Variants in ANKRD40 observed in about 807,000 individuals in gnomAD.
The protein encoded by ANKRD40 is ankyrin repeat domain 40.
A neutral mutation model predicts 35.5 loss-of-function variants in ANKRD40; 24 were observed. The ratio of observed to expected loss-of-function variants is 0.68; its 90% CI spans 0.49 to 0.95. ANKRD40 has a LOEUF of 0.95. ANKRD40 is among the 40% of genes least tolerant of loss of function. The pLI is 0.00. For synonymous variants in ANKRD40, 147 were observed against 173.5 expected, an observed-to-expected ratio of 0.85 and a Z score of 1.20; for missense variants, 361 against 436.0, an observed-to-expected ratio of 0.83 and a Z score of 1.53.
chr17:50,703,116 A>G (rs1018555410), intron 1 of ANKRD40, among the ~76,000 whole-genome samples: 1 of 150,988 alleles, frequency 6.6e-6, no homozygotes, highest in Non-Finnish European at 1.5e-5. Context: ...AGCAACTAAG[A>G]CTTGAAAGCA....
intron 2 of ANKRD40, 59 bp downstream of exon 2, chr17:50,700,509 A>G (rs1241782720): frequency 6.4e-7 from 1 of 1,559,748 alleles, no homozygotes; most frequent in Non-Finnish European, 8.7e-7. Context: ...GTAGCCAATA[A>G]TACCACAAGT....
At chr17:50,706,428 C>G (rs1268650779) in intron 1 of ANKRD40, among the ~76,000 whole-genome samples, 4 of 152,078 alleles carry the variant, frequency 2.6e-5, no homozygotes, top group African/African-American at 9.7e-5. Context: ...TCTGGCTAAG[C>G]ATTACCTGAA....
At chr17:50,700,779 C>T (rs1194676348) in intron 1 of ANKRD40, 63 bp from the exon 2 acceptor site, 1 of 1,503,616 alleles carries the variant, frequency 6.7e-7, no homozygotes, top group Non-Finnish European at 9.1e-7. Flanking sequence ...AGATTCTAAA[C>T]ATTAGTAAAT....
intron 1 of ANKRD40, among the ~76,000 whole-genome samples, chr17:50,704,482 T>C (rs1597868946): frequency 8.0e-6 from 1 of 124,568 alleles, no homozygotes; most frequent in East Asian, 2.4e-4. Flanking sequence ...CGCATTGCAC[T>C]CCAGCCTGGG....
Position 50,695,023 on chromosome 17 carries a change from TC to T in ANKRD40, c.*973del, listed in dbSNP as rs1054451812. On this transcript the variant is annotated 3_prime_UTR_variant, in exon 5 of 5. Coordinates refer to ENST00000285243, the MANE Select transcript of ANKRD40 (RefSeq NM_052855.4). ...GAACATGGAACAGCAATATTTGTGCTCTTCTCATAGGATGCAGTTACACACA... is the reference window on the plus strand; with the variant it reads ...GAACATGGAACAGCAATATTTGTGCTTTCTCATAGGATGCAGTTACACACA... 6.6e-6 allele frequency: 1 copy of T among 152,182 alleles called. No homozygotes were observed. Among genetic ancestry groups the T allele is most frequent in the African/African-American group, 2.4e-5 (1 of 41,440 alleles). The allele number at this position is 152,182 out of a possible 1,614,324, so 9.4% of individuals were successfully genotyped here.
chr17:50,700,732 T>C lies in ANKRD40; in HGVS notation c.135-16A>G, dbSNP rs761399392. On this transcript the variant is annotated splice_polypyrimidine_tract_variant and intron_variant, in intron 1 of 4. Coordinates refer to ENST00000285243, the MANE Select transcript of ANKRD40 (RefSeq NM_052855.4). ...TAAACAAGTCCTGTACCAAAGAAAA[T>C]AATGATTGAAAAAGAGGAGAAGTGA... 4.0e-5 allele frequency: 64 copies of C among 1,593,258 alleles called. No individual in the cohort carries two copies. Among genetic ancestry groups the C allele is most frequent in the Admixed American group, 5.3e-5 (3 of 56,096 alleles).
rs1039317085 is a variant in ANKRD40, at chr17:50,693,785, A to G, written c.*2212T>C. 4.6e-5 allele frequency: 7 copies of G among 152,230 alleles called. No individual in the cohort carries two copies. Among genetic ancestry groups the G allele is most frequent in the Admixed American group, 1.3e-4 (2 of 15,292 alleles). The allele number at this position is 152,230 out of a possible 1,614,324, so 9.4% of individuals were successfully genotyped here. A position where few individuals can be genotyped will look rare whatever the true frequency, so the allele number is the denominator to read the frequency against. ...AGTAAACTGTAACTGTTTTAGAAGT[A>G]AAGAAAAAAAAGGTTACTACATCTA... On this transcript the variant is annotated 3_prime_UTR_variant, in exon 5 of 5. Transcript: ENST00000285243.
Position 50,707,397 on chromosome 17 carries a change from G to T in ANKRD40, c.134+124C>A. On this transcript the variant is annotated intron_variant, in intron 1 of 4. Transcript: ENST00000285243. This position sits in a 1 kb window ranked among gnomAD's most constrained non-coding sequence, Gnocchi z 4.8. ...GCTGGCCTCAAGAGAGCACAATCTC[G>T]GAGGCCCGAGGTGGCAGGCCTCGCC... is the stretch of plus-strand genomic sequence containing the variant. The T allele has an allele frequency of 5.0e-6, 7 of 1,403,610 alleles. No individual in the cohort carries two copies. Among genetic ancestry groups the T allele is most frequent in the Non-Finnish European group, 5.7e-6 (6 of 1,044,830 alleles). The allele number at this position is 1,403,610 out of a possible 1,614,324, so 86.9% of individuals were successfully genotyped here. A position where few individuals can be genotyped will look rare whatever the true frequency, so the allele number is the denominator to read the frequency against.
intron 1 of ANKRD40, among the ~76,000 whole-genome samples, chr17:50,705,978 G>A (rs1968332373): frequency 6.6e-6 from 1 of 151,606 alleles, no homozygotes; most frequent in Admixed American, 6.6e-5. Flanking sequence ...AGACTTTTGA[G>A]GCAGTCTGGA....
At position 50,707,466 on chromosome 17, in the gene ANKRD40, C is replaced by G; in HGVS notation, c.134+55G>C. 1 of 1,574,910 alleles carries G rather than the reference C, an allele frequency of 6.3e-7. No homozygotes were observed. The highest frequency in any genetic ancestry group is 1.8e-5 in the Admixed American group (1 of 56,870). ...CTGGGCCCAGGTCGCGACTGACTGC[C>G]CCACGCCTTCCGACCGGCTGCCCTG... On this transcript the variant is annotated intron_variant, in intron 1 of 4. Transcript: ENST00000285243. This position sits in a 1 kb window ranked among gnomAD's most constrained non-coding sequence, Gnocchi z 4.8.
At chr17:50,698,347 T>C (rs1968224214) in intron 3 of ANKRD40, among the ~76,000 whole-genome samples, 1 of 151,908 alleles carries the variant, frequency 6.6e-6, no homozygotes, top group African/African-American at 2.4e-5. Context: ...TGGGATAATT[T>C]GAATAATTAA....
Position 50,699,526 on chromosome 17 carries a change from G to A in ANKRD40, c.651C>T (p.Arg217=), listed in dbSNP as rs143647743. 183 of 1,614,218 alleles carry A rather than the reference G, an allele frequency of 1.1e-4. No individual in the cohort carries two copies. In the African/African-American group the frequency reaches 2.3e-3, roughly 20 times the overall value. Residue 217 remains arginine, a synonymous_variant, in exon 3 of 5, where the codon CGC becomes CGT. Coordinates refer to ENST00000285243, the MANE Select transcript of ANKRD40 (RefSeq NM_052855.4). ...PVCQPPVSQS[R]SLFSSVPSKP... ...TGGACGGGACAGAAGAAAACAGGGA[G>A]CGGCTCTGACTCACTGGTGGCTGAC...
intron 1 of ANKRD40, among the ~76,000 whole-genome samples, chr17:50,702,559 GA>G (rs920385674): frequency 9.2e-5 from 14 of 152,274 alleles, no homozygotes; most frequent in African/African-American, 3.4e-4. Context: ...CAATTATAAT[GA>G]TAAGTGAGCC....
rs1968198195 is a variant in ANKRD40, at chr17:50,696,127, C to T, written c.977G>A (p.Arg326Gln). Residue 326 changes from arginine to glutamine, a missense_variant, in exon 5 of 5, where the codon CGA becomes CAA. Arg to Gln is a conservative substitution (Grantham distance 43, BLOSUM62 1). Transcript: ENST00000285243. ...TTCCAGCTCCTGGAAATCTTGGAGT[C>T]GAGCAACATCCTTGTCCTAAAACAA... The part of the protein sequence containing the change: ...TLLRKDKDVA[R>Q]LQDFQELELV... 1.6e-5 allele frequency: 26 copies of T among 1,613,706 alleles called. No homozygotes were observed. The highest frequency in any genetic ancestry group is 2.0e-5 in the Non-Finnish European group (24 of 1,179,934).
At chr17:50,700,264 T>G (rs1300716454) in intron 2 of ANKRD40, 1 of 265,474 alleles carries the variant, frequency 3.8e-6, no homozygotes, top group Non-Finnish European at 7.1e-6. Context: ...ACCAACATGG[T>G]GAAACCCCGT....
rs185905249 is a variant in ANKRD40, at chr17:50,699,695, G to A, written c.482C>T (p.Pro161Leu). 1.9e-6 allele frequency: 3 copies of A among 1,614,110 alleles called. No homozygotes were observed. Among genetic ancestry groups the A allele is most frequent in the Middle Eastern group, 1.6e-4 (1 of 6,062 alleles). The change falls in exon 3 of 5, where the codon CCT becomes CTT. Residue 161 changes from proline to leucine, a missense_variant. Around this residue, in one of 5 missense-constraint regions of ANKRD40, gnomAD observed 172 missense variants for 174.0 expected, o/e 0.99. Coordinates refer to ENST00000285243, the MANE Select transcript of ANKRD40 (RefSeq NM_052855.4). ...PPASPPADGS[P>L]PLLPPGEPPL... ...AGGTTCCCCAGGGGGAAGCAATGGAGGTGAGCCATCTGCAGGGGGTGATGC... is the reference window on the plus strand; with the variant it reads ...AGGTTCCCCAGGGGGAAGCAATGGAAGTGAGCCATCTGCAGGGGGTGATGC...
At position 50,695,827 on chromosome 17, in the gene ANKRD40, A is replaced by T; in HGVS notation, c.*170T>A. The stretch of plus-strand genomic sequence containing the variant: ...CCAAGAGGCTTGGAAGAGTGGCACC[A>T]CTGCTTGGGGGTCAGGGGCTTCCTA... On this transcript the variant is annotated 3_prime_UTR_variant, in exon 5 of 5. Coordinates refer to ENST00000285243, the MANE Select transcript of ANKRD40 (RefSeq NM_052855.4). 1.5e-6 allele frequency: 1 copy of T among 669,186 alleles called. No individual in the cohort carries two copies. Among genetic ancestry groups the T allele is most frequent in the Non-Finnish European group, 2.4e-6 (1 of 418,514 alleles). The allele number at this position is 669,186 out of a possible 1,614,324, so 41.5% of individuals were successfully genotyped here.
At chr17:50,705,833 G>T (rs1195599752) in intron 1 of ANKRD40, among the ~76,000 whole-genome samples, 2 of 151,490 alleles carry the variant, frequency 1.3e-5, no homozygotes, top group African/African-American at 4.9e-5. Flanking sequence ...GCTAATTTTT[G>T]TATCTTTAGT....
intron 3 of ANKRD40, among the ~76,000 whole-genome samples, chr17:50,698,319 G>A (rs573121024): frequency 8.6e-5 from 13 of 151,868 alleles, no homozygotes; most frequent in Non-Finnish European, 1.2e-4. Context: ...GCTTCAAGGG[G>A]CTCCCACTGG....
Sources: gnomAD v4.1 joint callset for allele counts (sites outside exome capture counted in the v4.1 genomes callset) on GRCh38, gnomAD v4.1.1 for gene constraint, gnomAD v4.1.1 regional missense constraint, Gnocchi (gnomAD v3.1) non-coding constraint, MANE v1.5 for transcripts, NCBI Gene and HGNC (gene_info 2026-07-23, HGNC 2026-07-21) for gene names.